DNAH8: variants seen among roughly 807,000 people sequenced by gnomAD.
DNAH8 encodes dynein axonemal heavy chain 8, also known as axonemal beta dynein heavy chain 8.
Under a neutral mutation model 562.1 loss-of-function variants are expected in DNAH8, and 382 were observed. That is an observed-to-expected ratio of 0.68 (90% CI 0.63 to 0.74). The LOEUF (loss-of-function observed/expected upper bound fraction) is 0.74. Among genes scored for constraint, DNAH8 ranks in the 30% least tolerant of loss-of-function variants. The probability of loss-of-function intolerance (pLI) is 0.00; values close to 1 mark genes in which losing one functional copy is unlikely to be tolerated. For synonymous variants in DNAH8, 1,881 were observed against 1,919.4 expected (o/e 0.98, Z 0.52); for missense variants, 5,203 against 5,620.4 (o/e 0.93, Z 2.37).
chr6:38,997,324 A>G (rs1383085417), intron 88 of DNAH8, among the ~76,000 whole-genome samples: 1 of 152,138 alleles, frequency 6.6e-6, no homozygotes, highest in Non-Finnish European at 1.5e-5. Flanking sequence ...AGGAAGCAGT[A>G]AGCAATAACA....
chr6:38,778,556 G>C, intron 14 of DNAH8, 92 bp downstream of exon 14: 1 of 785,580 alleles, frequency 1.3e-6, no homozygotes, highest in Non-Finnish European at 2.1e-6. Context: ...TTGGAAATCT[G>C]TCCTACATAA....
chr6:38,860,751 T>C lies in DNAH8; in HGVS notation c.6131+122T>C, dbSNP rs1026007004. ...GTCATGCTGGGTAGATGCTAGCTCATTAAAGTCAGCCTAACAATGAAATAA... is the reference window on the plus strand; with the variant it reads ...GTCATGCTGGGTAGATGCTAGCTCACTAAAGTCAGCCTAACAATGAAATAA... On this transcript the variant is annotated intron_variant, in intron 43 of 92. Coordinates refer to ENST00000327475, the MANE Select transcript of DNAH8 (RefSeq NM_001206927.2). 2.2e-5 allele frequency: 13 copies of C among 597,166 alleles called. No homozygotes were observed. The African/African-American group carries it at 2.3e-4, about 11-fold the overall frequency. The allele number at this position is 597,166 out of a possible 1,614,324, so 37.0% of individuals were successfully genotyped here. A position where few individuals can be genotyped will look rare whatever the true frequency, so the allele number is the denominator to read the frequency against.
intron 47 of DNAH8, among the ~76,000 whole-genome samples, chr6:38,867,855 T>A (rs944775262): frequency 6.6e-6 from 1 of 152,186 alleles, no homozygotes; most frequent in African/African-American, 2.4e-5. Context: ...AATACTTACT[T>A]GATCTTGCAG....
intron 36 of DNAH8, 36 bp downstream of exon 36, chr6:38,845,809 A>G: frequency 6.6e-7 from 1 of 1,519,618 alleles, no homozygotes; most frequent in South Asian, 1.1e-5. Context: ...TTTAAATGGG[A>G]TATTTAGGGT....
intron 35 of DNAH8, 61 bp downstream of exon 35, chr6:38,842,964 T>C (rs376405477): frequency 6.4e-7 from 1 of 1,567,720 alleles, no homozygotes. Flanking sequence ...TTTTCTTTTC[T>C]GGGAGTTGTA....
chr6:38,899,920 A>G lies in DNAH8; in HGVS notation c.9194+14A>G, dbSNP rs1779964626. 7.8e-6 allele frequency: 12 copies of G among 1,546,664 alleles called. No homozygotes were observed. Among genetic ancestry groups the G allele is most frequent in the Non-Finnish European group, 1.0e-5 (12 of 1,149,466 alleles). On this transcript the variant is annotated intron_variant, in intron 62 of 92. Transcript: ENST00000327475. The stretch of plus-strand genomic sequence containing the variant: ...AACATTAACCAGGTAGGATGAAATA[A>G]AACACAATATGTTTTTCTATAGTTA...
At chr6:38,883,788 T>C in intron 55 of DNAH8, 88 bp from the exon 56 acceptor site, 8 of 1,104,694 alleles carry the variant, frequency 7.2e-6, no homozygotes, top group Non-Finnish European at 9.8e-6. Context: ...GTAAGTAAAT[T>C]ATATTCTACT....
intron 88 of DNAH8, among the ~76,000 whole-genome samples, chr6:38,993,178 G>A (rs142417963): frequency 3.9e-5 from 6 of 152,004 alleles, no homozygotes; most frequent in South Asian, 2.1e-4. Flanking sequence ...TTCTCCCACC[G>A]TAAAAACTCT....
chr6:38,835,064 T>C (rs1490551398), intron 32 of DNAH8, among the ~76,000 whole-genome samples: 1 of 152,194 alleles, frequency 6.6e-6, no homozygotes, highest in Non-Finnish European at 1.5e-5. Context: ...CCTCTGCCTG[T>C]ACAATACTCA....
In DNAH8 at chr6:39,027,722, A is replaced by G. The variant is rs550986073; in HGVS notation, c.13836+1055A>G. 4.6e-5 allele frequency among the ~76,000 whole-genome samples: 7 copies of G among 152,262 alleles called. No individual in the cohort carries two copies. The South Asian group carries it at 1.5e-3, about 32-fold the overall frequency. Reference sequence around the variant, plus strand: ...GGCTGTAATGTCCCAGCTACTTGGGAGGCTGAGGTGGGAAGATTGCTTGAA... The same window carrying G: ...GGCTGTAATGTCCCAGCTACTTGGGGGGCTGAGGTGGGAAGATTGCTTGAA... On this transcript the variant is annotated intron_variant, in intron 92 of 92. Transcript: ENST00000327475.
At chr6:38,828,421 A>G (rs1283599051) in intron 30 of DNAH8, 133 bp downstream of exon 30, 3 of 550,912 alleles carry the variant, frequency 5.4e-6, no homozygotes, top group Non-Finnish European at 3.1e-6. Context: ...AACAGACTGC[A>G]TATACAACGG....
At chr6:39,019,824 C>A (rs1766789863) in intron 91 of DNAH8, among the ~76,000 whole-genome samples, 1 of 151,938 alleles carries the variant, frequency 6.6e-6, no homozygotes, top group African/African-American at 2.4e-5. Flanking sequence ...ATGGCAAGGA[C>A]AATGAGAGGA....
chr6:38,841,857 A>G (rs1171414505), intron 33 of DNAH8, among the ~76,000 whole-genome samples: 2 of 152,092 alleles, frequency 1.3e-5, no homozygotes, highest in African/African-American at 2.4e-5. Flanking sequence ...AGCTGGGACT[A>G]CAGTCACATG....
chr6:38,728,180 C>A (rs1373792491), intron 3 of DNAH8, among the ~76,000 whole-genome samples: 6 of 152,072 alleles, frequency 3.9e-5, no homozygotes, highest in Non-Finnish European at 8.8e-5. Flanking sequence ...GTTTCTCAGG[C>A]TGGTCTTGAA....
At chr6:38,906,841 C>A (rs1280938929) in intron 63 of DNAH8, among the ~76,000 whole-genome samples, 1 of 152,134 alleles carries the variant, frequency 6.6e-6, no homozygotes, top group Non-Finnish European at 1.5e-5. Flanking sequence ...CCAGACTCAG[C>A]ATATACAGGT....
intron 88 of DNAH8, among the ~76,000 whole-genome samples, chr6:38,995,575 T>C (rs2150741300): frequency 6.6e-6 from 1 of 152,360 alleles, no homozygotes; most frequent in Middle Eastern, 3.4e-3. Context: ...GTCAATATTT[T>C]GTCAGTTGTG....
Position 38,853,166 on chromosome 6 carries a change from T to A in DNAH8, c.5572-20T>A. ...GCCAAATTATTATCAATTTATAATA[T>A]CCTTGTAATTTTGTTTTAGTTGGAT... is the stretch of plus-strand genomic sequence containing the variant. On this transcript the variant is annotated intron_variant, in intron 40 of 92. Transcript: ENST00000327475. 1 of 1,580,970 alleles carries A rather than the reference T, an allele frequency of 6.3e-7. No individual in the cohort carries two copies. The highest frequency in any genetic ancestry group is 8.6e-7 in the Non-Finnish European group (1 of 1,164,038).
chr6:39,002,094 G>C (rs969900460), intron 88 of DNAH8, among the ~76,000 whole-genome samples: 1 of 152,176 alleles, frequency 6.6e-6, no homozygotes, highest in Admixed American at 6.5e-5. Context: ...AAAATAATAA[G>C]GTTTTGGATT....
chr6:38,988,101 A>G (rs907734630), intron 87 of DNAH8, among the ~76,000 whole-genome samples: 2 of 152,168 alleles, frequency 1.3e-5, no homozygotes, highest in African/African-American at 4.8e-5. Context: ...ACGCCTGCAC[A>G]TGGCATCCTC....
Sources: gnomAD v4.1 joint callset for allele counts (sites outside exome capture counted in the v4.1 genomes callset) on GRCh38, gnomAD v4.1.1 for gene constraint, MANE v1.5 for transcripts, NCBI Gene and HGNC (gene_info 2026-07-23, HGNC 2026-07-21) for gene names.